CCDC171: variants seen among roughly 807,000 people sequenced by gnomAD.
CCDC171 encodes the protein coiled-coil domain-containing protein 171.
CCDC171 carries 177 observed loss-of-function variants against 168.2 expected under a neutral mutation model. That is an observed-to-expected ratio of 1.05 (90% CI 0.93 to 1.19). CCDC171 has a LOEUF of 1.19. Ranked by LOEUF, CCDC171 falls within the 50% of genes most tolerant of loss-of-function variation. The pLI is 0.00. For synonymous variants in CCDC171, 687 were observed against 540.8 expected, an observed-to-expected ratio of 1.27 and a Z score of -3.75; for missense variants, 1,991 against 1,539.0, an observed-to-expected ratio of 1.29 and a Z score of -4.91.
chr9:15,634,034 G>T, intron 7 of CCDC171, among the ~76,000 whole-genome samples: 1 of 150,436 alleles, frequency 6.6e-6, no homozygotes, highest in East Asian at 2.0e-4. Context: ...GTGGGGTGGG[G>T]AGAGGGGGGC....
At chr9:15,556,468 A>G (rs1303130627) in intron 1 of CCDC171, among the ~76,000 whole-genome samples, 2 of 151,866 alleles carry the variant, frequency 1.3e-5, no homozygotes, top group African/African-American at 2.4e-5. Flanking sequence ...TGTGGTTTTG[A>G]TTTGCATTTC....
chr9:15,701,387 G>A (rs956459042), intron 11 of CCDC171, among the ~76,000 whole-genome samples: 2 of 152,060 alleles, frequency 1.3e-5, no homozygotes, highest in African/African-American at 2.4e-5. Flanking sequence ...TTATGTTTGA[G>A]TCTTTACTCC....
chr9:15,898,230 C>T (rs1341729), intron 24 of CCDC171, among the ~76,000 whole-genome samples: 45,542 of 152,064 alleles, frequency 0.3, 6,951 homozygotes, highest in Admixed American at 0.34. Flanking sequence ...GCTTTATTTA[C>T]TTCCATACAT....
At chr9:15,633,742 C>T (rs2045957449) in intron 7 of CCDC171, among the ~76,000 whole-genome samples, 1 of 152,110 alleles carries the variant, frequency 6.6e-6, no homozygotes, top group Non-Finnish European at 1.5e-5. Context: ...TATTGTGGCA[C>T]TATTCAGAAT....
intron 25 of CCDC171, among the ~76,000 whole-genome samples, chr9:15,934,698 T>G (rs891703980): frequency 6.6e-6 from 1 of 152,040 alleles, no homozygotes; most frequent in African/African-American, 2.4e-5. Flanking sequence ...AATAAATACT[T>G]GTATACAAAT....
intron 18 of CCDC171, among the ~76,000 whole-genome samples, chr9:15,751,651 C>T (rs936518593): frequency 6.6e-6 from 1 of 152,172 alleles, no homozygotes; most frequent in Non-Finnish European, 1.5e-5. Context: ...CAAAAACAAG[C>T]AATGGGGAAA....
chr9:15,594,291 G>A lies in CCDC171; in HGVS notation c.675+119G>A, dbSNP rs115265899. On this transcript the variant is annotated intron_variant, in intron 6 of 25. Transcript: ENST00000380701. ...AAAATAATTTCTAGTTTTGATTCTG[G>A]AAGGCCACATTTCATTTGCTGTTAC... 1.8e-3 allele frequency: 1,123 copies of A among 613,516 alleles called. 14 individuals are homozygous for A. The African/African-American group carries it at 0.019, about 10-fold the overall frequency. The allele number at this position is 613,516 out of a possible 1,614,324, so 38.0% of individuals were successfully genotyped here. A position where few individuals can be genotyped will look rare whatever the true frequency, so the allele number is the denominator to read the frequency against.
intron 25 of CCDC171, among the ~76,000 whole-genome samples, chr9:15,935,850 A>G (rs895703889): frequency 3.9e-4 from 60 of 152,130 alleles, no homozygotes; most frequent in Non-Finnish European, 1.6e-4. Context: ...GCCTTAGTTA[A>G]TAGAATCCAT....
the CCDC171 span, among the ~76,000 whole-genome samples, chr9:16,092,489 C>G: frequency 6.6e-6 from 1 of 152,192 alleles, no homozygotes; most frequent in Non-Finnish European, 1.5e-5. Flanking sequence ...CCACTTCCCC[C>G]TTTGTTTCCC....
chr9:15,987,472 G>A (rs1213150622), intron 3 of CCDC171, among the ~76,000 whole-genome samples: 5 of 151,640 alleles, frequency 3.3e-5, no homozygotes, highest in Non-Finnish European at 5.9e-5. Flanking sequence ...AAAAAAAAAA[G>A]CATGAAAAAG....
intron 23 of CCDC171, among the ~76,000 whole-genome samples, chr9:15,859,108 T>G (rs1338275777): frequency 6.6e-6 from 1 of 152,110 alleles, no homozygotes; most frequent in Non-Finnish European, 1.5e-5. Context: ...CTATTGAATT[T>G]TTATCAATTT....
At chr9:16,064,243 C>T (rs76825788), downstream of CCDC171, among the ~76,000 whole-genome samples, 8 of 152,200 alleles carry the variant, frequency 5.3e-5, no homozygotes, top group East Asian at 5.8e-4. Flanking sequence ...CCAGTGAGGC[C>T]GTTTTTTCCC....
chr9:15,866,050 A>G (rs868290260), intron 23 of CCDC171, among the ~76,000 whole-genome samples: 56 of 152,032 alleles, frequency 3.7e-4, no homozygotes, highest in African/African-American at 1.4e-3. Context: ...TCATGGAAGC[A>G]TGAATGACTA....
chr9:15,754,301 G>C (rs1433017558), intron 18 of CCDC171, among the ~76,000 whole-genome samples: 1 of 152,138 alleles, frequency 6.6e-6, no homozygotes, highest in East Asian at 1.9e-4. Flanking sequence ...CTAGTTATCA[G>C]TTGTGTGAAA....
At chr9:15,826,744 G>T (rs763731455) in intron 21 of CCDC171, among the ~76,000 whole-genome samples, 11 of 152,178 alleles carry the variant, frequency 7.2e-5, no homozygotes, top group Non-Finnish European at 1.2e-4. Flanking sequence ...CCAGCCTTCA[G>T]CTGAGGCTCC....
chr9:15,837,007 T>G (rs931130523), intron 21 of CCDC171, among the ~76,000 whole-genome samples: 5 of 152,250 alleles, frequency 3.3e-5, no homozygotes, highest in Non-Finnish European at 7.3e-5. Context: ...ACTTGACATT[T>G]TAACATCTGC....
At chr9:15,925,684 A>G (rs1204552570) in intron 25 of CCDC171, among the ~76,000 whole-genome samples, 2 of 151,660 alleles carry the variant, frequency 1.3e-5, no homozygotes, top group African/African-American at 4.8e-5. Context: ...TTACTGATAA[A>G]GAAAACAGTG....
Position 15,971,845 on chromosome 9 carries a change from A to G in CCDC171, c.*9A>G, listed in dbSNP as rs936973455. On this transcript the variant is annotated 3_prime_UTR_variant, in exon 26 of 26. Transcript: ENST00000380701. The stretch of plus-strand genomic sequence containing the variant: ...CTCAGATTGGATTATGACTTCATGA[A>G]ATTAAAAAATGGAGGAAGAGTTAAC... 1 of 1,594,252 alleles carries G rather than the reference A, an allele frequency of 6.3e-7. No homozygotes were observed. The highest frequency in any genetic ancestry group is 2.2e-5 in the East Asian group (1 of 44,766).
intron 9 of CCDC171, among the ~76,000 whole-genome samples, chr9:15,673,681 C>T (rs974239108): frequency 6.6e-6 from 1 of 152,204 alleles, no homozygotes; most frequent in Non-Finnish European, 1.5e-5. Context: ...ACCAGCTTTG[C>T]ATCCCAGGGA....
Sources: allele counts gnomAD v4.1 joint callset (sites outside exome capture counted in the v4.1 genomes callset), GRCh38; gene constraint gnomAD v4.1.1; transcripts MANE v1.5; gene names NCBI Gene and HGNC (gene_info 2026-07-23, HGNC 2026-07-21).